The following PRCC variants were observed in gnomAD, a reference collection of about 807,000 sequenced individuals.
The protein encoded by PRCC is proline-rich protein PRCC.
In PRCC, 10 loss-of-function variants were observed where a neutral mutation model predicts 44.0. The ratio of observed to expected loss-of-function variants is 0.23; its 90% CI spans 0.14 to 0.39. The LOEUF (loss-of-function observed/expected upper bound fraction) is 0.39, where lower values mean the gene tolerates loss of function less well. Among genes scored for constraint, PRCC ranks in the 10% least tolerant of loss-of-function variants. The pLI is 1.00. For synonymous variants in PRCC, 278 were observed against 259.5 expected (o/e 1.07, Z -0.69); for missense variants, 573 against 624.7 (o/e 0.92, Z 0.88).
At position 156,767,768 on chromosome 1, in the gene PRCC, C is replaced by A. The variant is rs371186348; in HGVS notation, c.-4C>A. On this transcript the variant is annotated 5_prime_UTR_variant, in exon 1 of 7. Transcript: ENST00000271526. ...GCAAGGGCGCCCGAAACGCGGGAGG[C>A]GCCATGTCGCTGGTTGCTTACGCCA... 1.9e-6 allele frequency: 3 copies of A among 1,591,894 alleles called. No individual in the cohort carries two copies. Among genetic ancestry groups the A allele is most frequent in the African/African-American group, 2.7e-5 (2 of 74,540 alleles).
In PRCC at chr1:156,787,133, T is replaced by A; in HGVS notation, c.1042T>A (p.Ser348Thr). The A allele has an allele frequency of 6.2e-7, 1 of 1,612,636 alleles. No homozygotes were observed. The highest frequency in any genetic ancestry group is 8.5e-7 in the Non-Finnish European group (1 of 1,178,882). Residue 348 changes from serine (S) to threonine (T), a missense_variant, in exon 3 of 7, where the codon TCC (serine) becomes ACC (threonine). Ser to Thr is a moderately conservative substitution (Grantham distance 58). Transcript: ENST00000271526. Reference sequence around the variant, plus strand: ...GGACGACTACAGCTACAATCAGTTTTCCACATATGGCGATGCCAATGCCGC... The same window carrying A: ...GGACGACTACAGCTACAATCAGTTTACCACATATGGCGATGCCAATGCCGC... ...PGDDYSYNQFSTYGDANAAGA... is the reference protein window; with the variant it reads ...PGDDYSYNQFTTYGDANAAGA...
In PRCC at chr1:156,792,053, C is replaced by CTTTTTTTTTTTTTTTTTT. The variant is rs67388360; in HGVS notation, c.1179+272_1179+289dup. 1.8e-3 allele frequency among the ~76,000 whole-genome samples: 106 copies of CTTTTTTTTTTTTTTTTTT among 58,452 alleles called. 18 individuals are homozygous for CTTTTTTTTTTTTTTTTTT. The highest frequency in any genetic ancestry group is 2.8e-3 in the Non-Finnish European group (87 of 30,752). 38.3% of individuals were successfully genotyped at this position (58,452 alleles called of 152,430 possible). ...ACAGAGTCAGGGATCTAGTCCCCTT[C>CTTTTTTTTTTTTTTTTTT]TTTTTTTTTTTTTTTTTTTTTTTTT... On this transcript the variant is annotated intron_variant, in intron 4 of 6. Transcript: ENST00000271526.
In PRCC at chr1:156,774,050, AT is replaced by A. The variant is rs1243373574; in HGVS notation, c.468+5813del. ...TATATGAGGTATCTAGAAAAGTCAA[AT>A]TCATAGAGATGGAAAGTGGAATAGC... On this transcript the variant is annotated intron_variant, in intron 1 of 6. Coordinates refer to ENST00000271526, the MANE Select transcript of PRCC (RefSeq NM_005973.5). Among the ~76,000 whole-genome samples the A allele has an allele frequency of 3.3e-5, 5 of 151,852 alleles. No homozygotes were observed. In the East Asian group the frequency reaches 9.7e-4, roughly 29 times the overall value.
intron 3 of PRCC, among the ~76,000 whole-genome samples, chr1:156,790,816 A>G (rs534422570): frequency 1.3e-5 from 2 of 152,358 alleles, no homozygotes; most frequent in South Asian, 2.1e-4. Flanking sequence ...TGTGAATACC[A>G]TTATAAAAAA....
chr1:156,795,147 T>C (rs2102773027), intron 5 of PRCC, among the ~76,000 whole-genome samples: 1 of 152,212 alleles, frequency 6.6e-6, no homozygotes, highest in East Asian at 1.9e-4. Context: ...CCTTCTTTCC[T>C]TTTTTTGATT....
At chr1:156,768,636 T>C (rs12042999) in intron 1 of PRCC, among the ~76,000 whole-genome samples, 29,730 of 152,138 alleles carry the variant, frequency 0.2, 3,429 homozygotes, top group Non-Finnish European at 0.26. Flanking sequence ...TTGCCGAACA[T>C]CTGGGACAAA....
chr1:156,797,793 C>T (rs1375896889), intron 6 of PRCC, among the ~76,000 whole-genome samples: 2 of 152,134 alleles, frequency 1.3e-5, no homozygotes, highest in Non-Finnish European at 2.9e-5. Context: ...TTCAGAATTA[C>T]AGGTAATCCA....
chr1:156,779,126 ATATTTT>A (rs1651945575), intron 1 of PRCC, among the ~76,000 whole-genome samples: 4 of 29,334 alleles, frequency 1.4e-4, no homozygotes, highest in African/African-American at 4.0e-4. Flanking sequence ...ATATATATAT[ATATTTT>A]TTTTTTTTTT....
At chr1:156,793,256 G>A (rs146998172) in intron 4 of PRCC, among the ~76,000 whole-genome samples, 264 of 152,336 alleles carry the variant, frequency 1.7e-3, no homozygotes, top group African/African-American at 6.1e-3. Context: ...AAGCCTAGGA[G>A]ACAGCTGAGA....
intron 1 of PRCC, among the ~76,000 whole-genome samples, chr1:156,773,380 C>T (rs899828168): frequency 2.6e-5 from 4 of 152,018 alleles, no homozygotes; most frequent in Admixed American, 6.6e-5. Flanking sequence ...TCAGCAGTCT[C>T]GGGGTATGTG....
intron 1 of PRCC, among the ~76,000 whole-genome samples, chr1:156,780,041 C>G (rs1423950160): frequency 6.6e-6 from 1 of 151,952 alleles, no homozygotes; most frequent in Non-Finnish European, 1.5e-5. Flanking sequence ...CCACGCCTGG[C>G]TAACTTTTGT....
intron 2 of PRCC, among the ~76,000 whole-genome samples, chr1:156,785,596 GA>G (rs67207827): frequency 0.19 from 28,735 of 150,694 alleles, 2,984 homozygotes; most frequent in Admixed American, 0.26. Context: ...CTAAGGGGGG[GA>G]AAAAAAAGAG....
At chr1:156,768,656 T>G (rs1651511745) in intron 1 of PRCC, among the ~76,000 whole-genome samples, 1 of 152,206 alleles carries the variant, frequency 6.6e-6, no homozygotes, top group Non-Finnish European at 1.5e-5. Flanking sequence ...ATCTTTTCCT[T>G]GCCTCTGAAC....
chr1:156,792,367 G>T (rs1652519906), intron 4 of PRCC, among the ~76,000 whole-genome samples: 1 of 152,108 alleles, frequency 6.6e-6, no homozygotes, highest in Admixed American at 6.6e-5. Context: ...CTTCCTGAAA[G>T]TTCCTAAGAG....
chr1:156,777,992 T>C (rs1651886047), intron 1 of PRCC, among the ~76,000 whole-genome samples: 1 of 152,262 alleles, frequency 6.6e-6, no homozygotes, highest in Non-Finnish European at 1.5e-5. Flanking sequence ...TTATGAATAC[T>C]GTAGAATAAT....
Position 156,768,129 on chromosome 1 carries a change from C to T in PRCC, c.358C>T (p.Leu120Phe). The change falls in exon 1 of 7, where the codon CTC (leucine) becomes TTC (phenylalanine). Residue 120 changes from leucine to phenylalanine, a missense_variant. This residue lies in a region of PRCC where 245 missense variants were observed against 188.5 expected (regional missense o/e 1.30). Transcript: ENST00000271526. ...GTTGCCCTCGCCCCGAGGCCCTGGCCTCAATCTGCCCCCTCCAATTGGCGG... is the reference window on the plus strand; with the variant it reads ...GTTGCCCTCGCCCCGAGGCCCTGGCTTCAATCTGCCCCCTCCAATTGGCGG... ...LGLPSPRGPGLNLPPPIGGAG... is the reference protein window; with the variant it reads ...LGLPSPRGPGFNLPPPIGGAG... The T allele has an allele frequency of 6.4e-7, 1 of 1,569,878 alleles. No homozygotes were observed.
chr1:156,781,650 C>T (rs140788845), intron 1 of PRCC, among the ~76,000 whole-genome samples: 5 of 152,342 alleles, frequency 3.3e-5, no homozygotes, highest in South Asian at 2.1e-4. Context: ...CAGATGACCT[C>T]CTGTCTTGCC....
Position 156,787,062 on chromosome 1 carries a change from A to G in PRCC, c.971A>G (p.Lys324Arg), listed in dbSNP as rs1356070172. The change falls in exon 3 of 7, where the codon AAG becomes AGG. Residue 324 changes from lysine to arginine, a missense_variant. This residue lies in a region of PRCC where 141 missense variants were observed against 130.2 expected (regional missense o/e 1.08). Transcript: ENST00000271526. ...DDAANAPLEFKMAAGSSGAPW... is the reference protein window; with the variant it reads ...DDAANAPLEFRMAAGSSGAPW... ...GCAGCCAATGCCCCCCTTGAATTCA[A>G]GATGGCAGCAGGTTCAAGTGGGGCC... is the stretch of plus-strand genomic sequence containing the variant. 1.2e-6 allele frequency: 2 copies of G among 1,614,198 alleles called. No homozygotes were observed. The highest frequency in any genetic ancestry group is 8.5e-7 in the Non-Finnish European group (1 of 1,180,020).
chr1:156,776,794 A>G (rs1226064298), intron 1 of PRCC, among the ~76,000 whole-genome samples: 1 of 152,176 alleles, frequency 6.6e-6, no homozygotes, highest in Admixed American at 6.5e-5. Context: ...AATCCATGAA[A>G]ACCTTATATA....
Sources: allele counts gnomAD v4.1 joint callset (sites outside exome capture counted in the v4.1 genomes callset), GRCh38; gene constraint gnomAD v4.1.1; regional missense constraint gnomAD v4.1.1; transcripts MANE v1.5; gene names NCBI Gene and HGNC (gene_info 2026-07-23, HGNC 2026-07-21).